Variants in ZC3H13 observed in about 807,000 individuals in gnomAD.
The protein encoded by ZC3H13 is zinc finger CCCH domain-containing protein 13.
In ZC3H13, 64 loss-of-function variants were observed where a neutral mutation model predicts 204.1. That is an observed-to-expected ratio of 0.31 (90% CI 0.26 to 0.39). The LOEUF is 0.39. ZC3H13 is among the 10% of genes least tolerant of loss of function. The probability of loss-of-function intolerance (pLI) is 1.00; values close to 1 mark genes in which losing one functional copy is unlikely to be tolerated. For missense variants in ZC3H13, 1,833 were observed against 2,082.7 expected (o/e 0.88, Z 2.33); for synonymous variants, 667 against 693.7 (o/e 0.96, Z 0.60).
rs754658339 is a variant in ZC3H13, at chr13:45,967,612, T to C, written c.4213A>G (p.Thr1405Ala). Residue 1405 changes from threonine to alanine, a missense_variant, in exon 15 of 19, where the codon ACT becomes GCT. This residue lies in a region of ZC3H13 where 1,574 missense variants were observed against 1,757.2 expected (regional missense o/e 0.90). Transcript: ENST00000679008. Reference protein sequence around the residue: ...EGEHERDLESTSRDSLALDKE... With the variant: ...EGEHERDLESASRDSLALDKE... Reference sequence around the variant, plus strand: ...TCCAAGGCTAGAGAGTCTCGGGAAGTGCTTTCTAGATCCCTTTCATGTTCA... The same window carrying C: ...TCCAAGGCTAGAGAGTCTCGGGAAGCGCTTTCTAGATCCCTTTCATGTTCA... 3 of 1,614,128 alleles carry C rather than the reference T, an allele frequency of 1.9e-6. No homozygotes were observed. The highest frequency in any genetic ancestry group is 2.5e-6 in the Non-Finnish European group (3 of 1,179,998).
At chr13:46,028,146 C>T (rs554460147) in intron 4 of ZC3H13, among the ~76,000 whole-genome samples, 24 of 152,180 alleles carry the variant, frequency 1.6e-4, no homozygotes, top group Non-Finnish European at 3.2e-4. Flanking sequence ...AGGTATACTG[C>T]TAACACTAAT....
At chr13:45,994,188 C>A (rs577759007) in intron 8 of ZC3H13, among the ~76,000 whole-genome samples, 1 of 152,160 alleles carries the variant, frequency 6.6e-6, no homozygotes, top group Non-Finnish European at 1.5e-5. Context: ...TTTCTTTTCT[C>A]TAGCTTACTT....
rs1416627302 is a variant in ZC3H13 at position 45,967,893 on chromosome 13, C to T, written c.3932G>A (p.Arg1311His). 6.8e-6 allele frequency: 11 copies of T among 1,613,882 alleles called. No individual in the cohort carries two copies. Among genetic ancestry groups the T allele is most frequent in the Admixed American group, 3.3e-5 (2 of 59,960 alleles). ...ERDRYEHDRE[R>H]ERERRDTRQR... ...CCTCGTATCTCTCCTCTCTCTCTCG[C>T]GCTCTCTGTCGTGTTCATATCGATC... Residue 1311 changes from arginine to histidine, a missense_variant, in exon 15 of 19, where the codon CGC (arginine) becomes CAC (histidine). Arg to His is a conservative substitution (Grantham distance 29). Coordinates refer to ENST00000679008, the MANE Select transcript of ZC3H13 (RefSeq NM_001330564.2).
Position 45,979,824 on chromosome 13 carries a change from T to C in ZC3H13, c.1901A>G (p.Asn634Ser), listed in dbSNP as rs762518877. The change falls in exon 11 of 19, where the codon AAC becomes AGC. Residue 634 changes from asparagine (N) to serine (S), a missense_variant. Physicochemically the swap from Asn to Ser is conservative, Grantham distance 46 (BLOSUM62 1). Transcript: ENST00000679008. ...TCTGTTTGACAAACCTCTCTCTCTG[T>C]TGTCACGACGGTCTCGCTCTCCATG... ...RRHGERDRRD[N>S]RERDQRPSSP... is the part of the protein sequence containing the mutation. 1.3e-6 allele frequency: 2 copies of C among 1,579,232 alleles called. No individual in the cohort carries two copies. The highest frequency in any genetic ancestry group is 4.6e-5 in the East Asian group (2 of 43,066).
In ZC3H13 at chr13:45,985,439, G is replaced by C. The variant is rs974568120; in HGVS notation, c.1578C>G (p.Ser526=). ...HRKEDTYPEE[S]RSYGRNHLRE... ...TCAAATGGTTTCGGCCATAACTCCGGGATTCTTCTGGATATGTATCCTCCT... is the reference window on the plus strand; with the variant it reads ...TCAAATGGTTTCGGCCATAACTCCGCGATTCTTCTGGATATGTATCCTCCT... Residue 526 remains serine, a synonymous_variant, in exon 10 of 19, where the codon TCC becomes TCG. Transcript: ENST00000679008. The C allele has an allele frequency of 1.8e-5, 29 of 1,613,978 alleles. No homozygotes were observed. The Admixed American group carries it at 4.2e-4, about 23-fold the overall frequency.
At chr13:46,032,480 C>T (rs2042964643) in intron 4 of ZC3H13, among the ~76,000 whole-genome samples, 1 of 151,294 alleles carries the variant, frequency 6.6e-6, no homozygotes, top group Admixed American at 6.6e-5. Context: ...GATGAAATAA[C>T]ATTTTTTTCT....
At chr13:46,010,175 ATTG>A in intron 7 of ZC3H13, 170 bp downstream of exon 7, 2 of 563,922 alleles carry the variant, frequency 3.5e-6, no homozygotes, top group Non-Finnish European at 5.4e-6. Flanking sequence ...TGTTTGTTTT[ATTG>A]TTCTCTATAA....
At chr13:45,988,297 G>A (rs889141793) in intron 9 of ZC3H13, among the ~76,000 whole-genome samples, 1 of 152,050 alleles carries the variant, frequency 6.6e-6, no homozygotes, top group Admixed American at 6.6e-5. Flanking sequence ...TTGCACTGTT[G>A]CCGAGGCTGG....
intron 5 of ZC3H13, among the ~76,000 whole-genome samples, chr13:46,017,569 G>A (rs2041986840): frequency 6.6e-6 from 1 of 151,996 alleles, no homozygotes; most frequent in Non-Finnish European, 1.5e-5. Flanking sequence ...ATTGTTAAAT[G>A]AATGAATACA....
At chr13:46,033,037 A>T (rs1324903626) in intron 4 of ZC3H13, among the ~76,000 whole-genome samples, 2 of 152,088 alleles carry the variant, frequency 1.3e-5, no homozygotes, top group African/African-American at 4.8e-5. Context: ...AAAACTAATA[A>T]ATGTGGTTAC....
At chr13:46,047,480 G>T (rs2044050520) in intron 1 of ZC3H13, among the ~76,000 whole-genome samples, 1 of 152,080 alleles carries the variant, frequency 6.6e-6, no homozygotes, top group African/African-American at 2.4e-5. Context: ...TCTACATACT[G>T]GTGTTAGCAT....
In ZC3H13 at chr13:45,967,768, T is replaced by C; in HGVS notation, c.4057A>G (p.Arg1353Gly). 1 of 1,611,964 alleles carries C rather than the reference T, an allele frequency of 6.2e-7. No individual in the cohort carries two copies. Among genetic ancestry groups the C allele is most frequent in the African/African-American group, 1.3e-5 (1 of 75,006 alleles). Residue 1353 changes from arginine to glycine, a missense_variant, in exon 15 of 19, where the codon AGA becomes GGA. Coordinates refer to ENST00000679008, the MANE Select transcript of ZC3H13 (RefSeq NM_001330564.2). The part of the protein sequence containing the change: ...RERERERDKR[R>G]DLDRERERLI... ...CTCTCTCTTTCCCTATCCAAGTCTCTCCTTTTGTCTCGTTCTCTCTCTCGT... is the reference window on the plus strand; with the variant it reads ...CTCTCTCTTTCCCTATCCAAGTCTCCCCTTTTGTCTCGTTCTCTCTCTCGT...
At chr13:45,993,217 A>C (rs1208326369) in intron 8 of ZC3H13, among the ~76,000 whole-genome samples, 1 of 152,208 alleles carries the variant, frequency 6.6e-6, no homozygotes, top group Non-Finnish European at 1.5e-5. Flanking sequence ...GTCCAAAAAA[A>C]CACAAAAAGT....
chr13:46,033,086 T>TA (rs2042999971), intron 4 of ZC3H13, among the ~76,000 whole-genome samples: 2 of 152,190 alleles, frequency 1.3e-5, no homozygotes, highest in Admixed American at 1.3e-4. Flanking sequence ...GGACAGAAGT[T>TA]AAAGACTTTT....
At position 46,003,245 on chromosome 13, in the gene ZC3H13, A is replaced by G. The variant is rs148333164; in HGVS notation, c.838T>C (p.Tyr280His). The change falls in exon 8 of 19, where the codon TAC (tyrosine) becomes CAC (histidine). Residue 280 changes from tyrosine (Y) to histidine (H), a missense_variant. Tyr to His is a moderately conservative substitution (Grantham distance 83). This residue lies in a region of ZC3H13 where 1,574 missense variants were observed against 1,757.2 expected (regional missense o/e 0.90). Transcript: ENST00000679008. The part of the protein sequence containing the change: ...IPEDIALGKK[Y>H]KEKYKVKDRI... ...TCTTTTACTTTATATTTTTCTTTGT[A>G]TTTTTTCCCCAGAGCGATATCTTCT... The G allele has an allele frequency of 7.8e-5, 125 of 1,611,314 alleles. No homozygotes were observed. In the African/African-American group the frequency reaches 1.4e-3, roughly 19 times the overall value.
At chr13:45,994,579 T>C (rs2040199131) in intron 8 of ZC3H13, among the ~76,000 whole-genome samples, 1 of 152,178 alleles carries the variant, frequency 6.6e-6, no homozygotes, top group Non-Finnish European at 1.5e-5. Flanking sequence ...TACCTACCAA[T>C]GTGATCAAGG....
At chr13:46,017,854 C>T (rs992631) in intron 5 of ZC3H13, among the ~76,000 whole-genome samples, 113,653 of 151,974 alleles carry the variant, frequency 0.75, 42,960 homozygotes, top group African/African-American at 0.85. Context: ...TCAACAGATA[C>T]TTTCAAATCA....
chr13:46,050,702 G>GT (rs1159828410), intron 1 of ZC3H13, among the ~76,000 whole-genome samples: 2 of 151,998 alleles, frequency 1.3e-5, no homozygotes, highest in Non-Finnish European at 2.9e-5. Flanking sequence ...GATTGCTTCC[G>GT]TAAATTTAAT....
At chr13:45,976,984 A>G (rs1291589275) in intron 11 of ZC3H13, among the ~76,000 whole-genome samples, 1 of 152,166 alleles carries the variant, frequency 6.6e-6, no homozygotes, top group Non-Finnish European at 1.5e-5. Flanking sequence ...TATCTTTACT[A>G]TTTTAGAGGT....
Sources: allele counts gnomAD v4.1 joint callset (sites outside exome capture counted in the v4.1 genomes callset), GRCh38; gene constraint gnomAD v4.1.1; regional missense constraint gnomAD v4.1.1; transcripts MANE v1.5; gene names NCBI Gene and HGNC (gene_info 2026-07-23, HGNC 2026-07-21).